EXD3: variants seen among roughly 807,000 people sequenced by gnomAD.
EXD3 encodes the protein exonuclease 3'-5' domain containing 3, also known as exonuclease mut-7 homolog.
In EXD3, 92 loss-of-function variants were observed where a neutral mutation model predicts 98.0. The ratio of observed to expected loss-of-function variants is 0.94; its 90% CI spans 0.79 to 1.12. The LOEUF is 1.12. Ranked by LOEUF, EXD3 falls within the 50% of genes most tolerant of loss-of-function variation. The pLI is 0.00. For missense variants in EXD3, 1,222 were observed against 1,191.6 expected (o/e 1.03, Z -0.38); for synonymous variants, 569 against 526.0 (o/e 1.08, Z -1.12).
chr9:137,413,282 G>A (rs1838087433), intron 1 of EXD3, among the ~76,000 whole-genome samples: 1 of 151,512 alleles, frequency 6.6e-6, no homozygotes, highest in Non-Finnish European at 1.5e-5. Flanking sequence ...CTCACTGCAA[G>A]CTCCGCCTCC....
At chr9:137,317,473 C>T (rs1323865515) in intron 19 of EXD3, among the ~76,000 whole-genome samples, 2 of 152,270 alleles carry the variant, frequency 1.3e-5, no homozygotes, top group Admixed American at 6.5e-5. Flanking sequence ...CACTACCTCA[C>T]GAACCTGTGG....
chr9:137,381,595 G>T (rs1340907337), intron 3 of EXD3, among the ~76,000 whole-genome samples: 1 of 151,940 alleles, frequency 6.6e-6, no homozygotes, highest in Non-Finnish European at 1.5e-5. Context: ...GCTCTCACCC[G>T]CCCGGTGTGC....
Position 137,307,195 on chromosome 9 carries a change from C to T in EXD3, c.2386G>A (p.Asp796Asn). ...DRPCRWLQMADLRAETPDMLA... is the reference protein window; with the variant it reads ...DRPCRWLQMANLRAETPDMLA... ...ATGTCCGGTGTCTCCGCCCGCAGGT[C>T]AGCCATCTGCAGCCAGCGGCAGGGG... The change falls in exon 22 of 22, where the codon GAC (aspartate) becomes AAC (asparagine). Residue 796 changes from aspartate to asparagine, a missense_variant. Transcript: ENST00000340951. 1 of 1,583,134 alleles carries T rather than the reference C, an allele frequency of 6.3e-7. No individual in the cohort carries two copies. Among genetic ancestry groups the T allele is most frequent in the Non-Finnish European group, 8.6e-7 (1 of 1,165,862 alleles).
intron 19 of EXD3, among the ~76,000 whole-genome samples, chr9:137,318,207 G>A (rs973944870): frequency 3.9e-5 from 6 of 152,064 alleles, no homozygotes; most frequent in Non-Finnish European, 7.4e-5. Flanking sequence ...TCCCCTCCTC[G>A]AGAACCCCCT....
Position 137,383,348 on chromosome 9 carries a change from G to T in EXD3, c.85C>A (p.Leu29Met). 6.4e-7 allele frequency: 1 copy of T among 1,550,582 alleles called. No individual in the cohort carries two copies. Among genetic ancestry groups the T allele is most frequent in the Non-Finnish European group, 8.7e-7 (1 of 1,146,924 alleles). The change falls in exon 3 of 22, where the codon CTG becomes ATG. Residue 29 changes from leucine (L) to methionine (M), a missense_variant. By Grantham distance (15) the Leu-to-Met change is conservative. Coordinates refer to ENST00000340951, the MANE Select transcript of EXD3 (RefSeq NM_017820.5). ...GRDPLLLLQA[L>M]QTLWSTRERK... ...TCCCGCGTGGACCACAGGGTCTGCA[G>T]GGCCTGCAGGAGCAGGAGGGGGTCC...
chr9:137,390,058 G>C (rs1181703995), intron 2 of EXD3, among the ~76,000 whole-genome samples: 1 of 140,118 alleles, frequency 7.1e-6, no homozygotes, highest in Admixed American at 7.5e-5. Flanking sequence ...GGAGGTGGAG[G>C]TTGCAGTGAG....
chr9:137,343,308 C>G (rs1019499143), intron 17 of EXD3: 1 of 152,154 alleles, frequency 6.6e-6, no homozygotes, highest in Non-Finnish European at 1.5e-5. Flanking sequence ...ACTTCTGCAG[C>G]TACAGGGAAT....
intron 3 of EXD3, among the ~76,000 whole-genome samples, chr9:137,382,918 C>T (rs1836390921): frequency 6.6e-6 from 1 of 152,218 alleles, no homozygotes; most frequent in Admixed American, 6.5e-5. Context: ...TCAAGTCCCA[C>T]CCCTTCCTAA....
chr9:137,321,073 G>A (rs1227112792), intron 19 of EXD3, among the ~76,000 whole-genome samples: 1 of 152,262 alleles, frequency 6.6e-6, no homozygotes, highest in Non-Finnish European at 1.5e-5. Context: ...CCCCAGGCCA[G>A]GGGCAGTGGG....
intron 2 of EXD3, 81 bp from the exon 3 acceptor site, chr9:137,383,458 C>T (rs559029692): frequency 1.3e-5 from 15 of 1,111,118 alleles, no homozygotes; most frequent in Non-Finnish European, 1.9e-5. Flanking sequence ...GTCCCTCCCA[C>T]TGACCCGCAA....
intron 17 of EXD3, among the ~76,000 whole-genome samples, chr9:137,329,495 G>GA (rs1454717849): frequency 1.4e-4 from 10 of 71,720 alleles, no homozygotes; most frequent in Non-Finnish European, 1.8e-4. Flanking sequence ...GACTACACGG[G>GA]GTCACACGGG....
At chr9:137,312,535 G>A (rs540276596) in intron 19 of EXD3, among the ~76,000 whole-genome samples, 1 of 152,238 alleles carries the variant, frequency 6.6e-6, no homozygotes, top group South Asian at 2.1e-4. Context: ...GGGATGTTGG[G>A]GCCCATGGAC....
At chr9:137,418,945 G>C (rs1838374818) in intron 1 of EXD3, among the ~76,000 whole-genome samples, 1 of 152,066 alleles carries the variant, frequency 6.6e-6, no homozygotes, top group African/African-American at 2.4e-5. Flanking sequence ...AGTGACCTGT[G>C]GTCCTATTTT....
chr9:137,351,200 T>C, intron 13 of EXD3, 53 bp from the exon 14 acceptor site: 1 of 1,534,254 alleles, frequency 6.5e-7, no homozygotes, highest in Non-Finnish European at 8.8e-7. Context: ...GACCGCACTG[T>C]CCCCTGACCC....
intron 17 of EXD3, among the ~76,000 whole-genome samples, chr9:137,329,421 GGCTACACGGGAGCTACACGGGA>G (rs1832802861): frequency 1.2e-4 from 2 of 16,710 alleles, no homozygotes; most frequent in African/African-American, 4.7e-4. Context: ...GGCTACACGG[GGCTACACGGGAGCTACACGGGA>G]GCTACACGGG....
intron 1 of EXD3, among the ~76,000 whole-genome samples, chr9:137,421,543 T>C (rs776706851): frequency 4.6e-5 from 7 of 152,196 alleles, no homozygotes; most frequent in Non-Finnish European, 8.8e-5. Flanking sequence ...GCTACAAGTC[T>C]CAAAGAAGAA....
intron 7 of EXD3, among the ~76,000 whole-genome samples, chr9:137,357,540 T>C (rs961989845): frequency 9.9e-5 from 15 of 152,070 alleles, no homozygotes; most frequent in East Asian, 1.9e-4. Context: ...CACCAAGTTC[T>C]GTCCTACAGT....
intron 19 of EXD3, among the ~76,000 whole-genome samples, chr9:137,311,849 G>A (rs1327541224): frequency 1.3e-5 from 2 of 152,226 alleles, no homozygotes; most frequent in African/African-American, 4.8e-5. Flanking sequence ...CTGGGCGGGT[G>A]GCTGCCACGG....
intron 2 of EXD3, among the ~76,000 whole-genome samples, chr9:137,394,994 G>A (rs533578762): frequency 2.0e-3 from 306 of 152,164 alleles, no homozygotes; most frequent in African/African-American, 7.1e-3. Context: ...CCACCTCTGC[G>A]GCCAGCCCTG....
Sources: allele counts gnomAD v4.1 joint callset (sites outside exome capture counted in the v4.1 genomes callset), GRCh38; gene constraint gnomAD v4.1.1; transcripts MANE v1.5; gene names NCBI Gene and HGNC (gene_info 2026-07-23, HGNC 2026-07-21).